Variants in MYO16 observed in about 807,000 individuals in gnomAD.
The protein encoded by MYO16 is unconventional myosin-XVI.
A neutral mutation model predicts 205.3 loss-of-function variants in MYO16; 94 were observed. The ratio of observed to expected loss-of-function variants is 0.46; its 90% CI spans 0.39 to 0.54. The LOEUF (loss-of-function observed/expected upper bound fraction) is 0.54. Among genes scored for constraint, MYO16 ranks in the 20% least tolerant of loss-of-function variants. MYO16 has a pLI of 0.00. For missense variants in MYO16, 2,315 were observed against 2,387.5 expected, an observed-to-expected ratio of 0.97 and a Z score of 0.63; for synonymous variants, 988 against 954.0, an observed-to-expected ratio of 1.04 and a Z score of -0.66.
intron 23 of MYO16, among the ~76,000 whole-genome samples, chr13:109,020,468 A>AT (rs146994804): frequency 0.093 from 14,126 of 151,980 alleles, 733 homozygotes; most frequent in Middle Eastern, 0.11. Context: ...GCTGATCATA[A>AT]TTTTTTTCCA....
At chr13:108,581,752 G>A in the MYO16 span, among the ~76,000 whole-genome samples, 6 of 152,066 alleles carry the variant, frequency 3.9e-5, no homozygotes, top group East Asian at 1.2e-3. Context: ...CAGGCATGGT[G>A]GTGGGCACCT....
intron 34 of MYO16, among the ~76,000 whole-genome samples, chr13:109,181,185 C>G (rs1163785182): frequency 6.6e-6 from 1 of 152,222 alleles, no homozygotes; most frequent in Non-Finnish European, 1.5e-5. Context: ...TCAAAGAGGC[C>G]TTGTTTTCAA....
intron 33 of MYO16, among the ~76,000 whole-genome samples, chr13:109,170,662 TTAA>T (rs10567058): frequency 0.13 from 19,706 of 151,636 alleles, 1,763 homozygotes; most frequent in African/African-American, 0.26. Flanking sequence ...CCTAAAAAAC[TTAA>T]TAATAATAAT....
chr13:108,858,547 A>T (rs904949865), intron 11 of MYO16, among the ~76,000 whole-genome samples: 2 of 152,002 alleles, frequency 1.3e-5, no homozygotes, highest in Non-Finnish European at 2.9e-5. Context: ...TTCCCTGCAA[A>T]TGTCACCGGC....
intron 1 of MYO16, among the ~76,000 whole-genome samples, chr13:108,640,575 G>A (rs913997967): frequency 1.3e-5 from 2 of 152,164 alleles, no homozygotes; most frequent in African/African-American, 4.8e-5. Context: ...GGTCACATGT[G>A]CTGATATGTG....
chr13:108,550,967 C>T, the MYO16 span, among the ~76,000 whole-genome samples: 5 of 152,166 alleles, frequency 3.3e-5, no homozygotes, highest in East Asian at 1.9e-4. Flanking sequence ...CAATATTTTG[C>T]GGCACTTGGT....
chr13:108,729,293 G>T (rs1566575291), intron 4 of MYO16, among the ~76,000 whole-genome samples: 1 of 151,974 alleles, frequency 6.6e-6, no homozygotes. Context: ...GAACCAAATC[G>T]CCTTTCGAGT....
chr13:108,651,380 T>G (rs1395886379), intron 1 of MYO16, among the ~76,000 whole-genome samples: 12 of 152,192 alleles, frequency 7.9e-5, no homozygotes, highest in South Asian at 4.1e-4. Context: ...AAACGAACCC[T>G]AGAAAGAATT....
At position 108,665,269 on chromosome 13, in the gene MYO16, A is replaced by T. The variant is rs1013654; in HGVS notation, c.29-617A>T. Among the ~76,000 whole-genome samples the T allele has an allele frequency of 4.9e-3, 741 of 151,872 alleles. 2 individuals carry two copies. The highest frequency in any genetic ancestry group is 8.6e-3 in the Non-Finnish European group (584 of 67,916). On this transcript the variant is annotated intron_variant, in intron 1 of 34. Coordinates refer to ENST00000457511, the MANE Select transcript of MYO16 (RefSeq NM_001198950.3). ...TAGCTATCTTAAAAGTTTATTTATTATTTATTTATTTATTTATTTTTGGAG... is the reference window on the plus strand; with the variant it reads ...TAGCTATCTTAAAAGTTTATTTATTTTTTATTTATTTATTTATTTTTGGAG...
At chr13:108,875,284 A>G (rs1178403148) in intron 12 of MYO16, among the ~76,000 whole-genome samples, 1 of 152,178 alleles carries the variant, frequency 6.6e-6, no homozygotes, top group Non-Finnish European at 1.5e-5. Flanking sequence ...GGCCCTGATG[A>G]TATTCGCTGG....
chr13:108,927,605 A>C (rs1882067844), intron 16 of MYO16, among the ~76,000 whole-genome samples: 1 of 152,196 alleles, frequency 6.6e-6, no homozygotes, highest in Non-Finnish European at 1.5e-5. Context: ...ATTTTACATG[A>C]TTTTTGAAAT....
the MYO16 span, among the ~76,000 whole-genome samples, chr13:108,496,572 GC>G: frequency 6.6e-6 from 1 of 152,194 alleles, no homozygotes; most frequent in African/African-American, 2.4e-5. Flanking sequence ...TCAGCGCATC[GC>G]CCCGTCTTCC....
chr13:109,189,676 G>C (rs933274102), intron 34 of MYO16, among the ~76,000 whole-genome samples: 1 of 151,888 alleles, frequency 6.6e-6, no homozygotes, highest in African/African-American at 2.4e-5. Flanking sequence ...AGTCATACAG[G>C]GAAAAAATAG....
intron 34 of MYO16, among the ~76,000 whole-genome samples, chr13:109,196,638 G>T (rs1880167942): frequency 6.6e-6 from 1 of 152,156 alleles, no homozygotes; most frequent in African/African-American, 2.4e-5. Context: ...GGTCCAAACT[G>T]ACAGGAGCTT....
chr13:108,886,669 A>G (rs770007951), intron 13 of MYO16, among the ~76,000 whole-genome samples: 4 of 149,984 alleles, frequency 2.7e-5, no homozygotes, highest in Non-Finnish European at 5.9e-5. Flanking sequence ...ACGTGTGCTA[A>G]GGAACGGACT....
At chr13:108,803,430 A>G (rs944746471) in intron 6 of MYO16, among the ~76,000 whole-genome samples, 2 of 152,246 alleles carry the variant, frequency 1.3e-5, no homozygotes, top group Non-Finnish European at 2.9e-5. Context: ...AGCAATTAAC[A>G]CTATCAGTAA....
chr13:108,812,710 G>C (rs1469407462), intron 7 of MYO16, among the ~76,000 whole-genome samples: 1 of 152,148 alleles, frequency 6.6e-6, no homozygotes, highest in African/African-American at 2.4e-5. Flanking sequence ...AATCCCCAGT[G>C]CAGCAAAATT....
chr13:108,844,350 C>T lies in MYO16; in HGVS notation c.1105C>T (p.Leu369=). ...TGATTTTTTTTCCTGTAGCAGTCCC[C>T]TGGTGTTACCAATTGCCAAGCAAGA... The part of the protein sequence containing the change: ...LPVLSSKLSP[L]VLPIAKQDSL... The change falls in exon 10 of 35, where the codon CTG becomes TTG. Residue 369 remains leucine (L), a synonymous_variant. Transcript: ENST00000457511. The T allele has an allele frequency of 6.2e-7, 1 of 1,611,794 alleles. No homozygotes were observed. The highest frequency in any genetic ancestry group is 8.5e-7 in the Non-Finnish European group (1 of 1,178,650).
chr13:108,676,370 C>CGTGTGTGT (rs1555337817), intron 2 of MYO16, among the ~76,000 whole-genome samples: 4 of 27,196 alleles, frequency 1.5e-4, no homozygotes, highest in Non-Finnish European at 3.0e-4. Context: ...ATTATATGTA[C>CGTGTGTGT]GCGTGTGTGT....
Sources: gnomAD v4.1 joint callset for allele counts (sites outside exome capture counted in the v4.1 genomes callset) on GRCh38, gnomAD v4.1.1 for gene constraint, MANE v1.5 for transcripts, NCBI Gene and HGNC (gene_info 2026-07-23, HGNC 2026-07-21) for gene names.